Variants in PDZRN4 observed in about 807,000 individuals in gnomAD.
PDZRN4 encodes the protein PDZ domain containing ring finger 4, also known as PDZ domain-containing RING finger protein 4.
Under a neutral mutation model 99.0 loss-of-function variants are expected in PDZRN4, and 70 were observed. The observed-to-expected ratio is 0.71, with a 90% CI of 0.58 to 0.86. The LOEUF is 0.86. Ranked by LOEUF, PDZRN4 falls within the 40% of genes least tolerant of loss-of-function variation. The probability of loss-of-function intolerance (pLI) is 0.00; values close to 1 mark genes in which losing one functional copy is unlikely to be tolerated. For missense variants in PDZRN4, 1,474 were observed against 1,331.2 expected (o/e 1.11, Z -1.67); for synonymous variants, 551 against 501.6 (o/e 1.10, Z -1.32).
chr12:41,258,089 C>T (rs1951215338), intron 3 of PDZRN4, among the ~76,000 whole-genome samples: 1 of 152,148 alleles, frequency 6.6e-6, no homozygotes, highest in Admixed American at 6.6e-5. Flanking sequence ...CAATGAGCTA[C>T]TCCCTGTGTA....
chr12:41,200,891 A>G (rs957459929), intron 3 of PDZRN4, among the ~76,000 whole-genome samples: 1 of 152,098 alleles, frequency 6.6e-6, no homozygotes, highest in South Asian at 2.1e-4. Context: ...GTTCCATCGT[A>G]GTATCCGAAC....
In PDZRN4 at chr12:41,572,636, C is replaced by G. The variant is rs151221740; in HGVS notation, c.1857C>G (p.Asn619Lys). 168 of 1,614,000 alleles carry G rather than the reference C, an allele frequency of 1.0e-4. No homozygotes were observed. The highest frequency in any genetic ancestry group is 5.7e-4 in the African/African-American group (43 of 74,914). The change falls in exon 10 of 10, where the codon AAC (asparagine) becomes AAG (lysine). Residue 619 changes from asparagine (N) to lysine (K), a missense_variant. By Grantham distance (94) the Asn-to-Lys change is moderately conservative. Transcript: ENST00000402685. The part of the protein sequence containing the change: ...GEYIDSDCIG[N>K]PDEDCERFRQ... ...ACATTGACTCAGACTGCATTGGCAA[C>G]CCAGATGAGGACTGTGAAAGATTCA...
chr12:41,564,340 A>G (rs1167356022), intron 8 of PDZRN4, among the ~76,000 whole-genome samples: 1 of 152,052 alleles, frequency 6.6e-6, no homozygotes, highest in Non-Finnish European at 1.5e-5. Flanking sequence ...TCATGAAAGT[A>G]GAGTAAAGGT....
At chr12:41,468,930 A>G (rs1315326639) in intron 3 of PDZRN4, among the ~76,000 whole-genome samples, 1 of 151,770 alleles carries the variant, frequency 6.6e-6, no homozygotes, top group Non-Finnish European at 1.5e-5. Flanking sequence ...AATCGCTTGA[A>G]CCCAGTAGGT....
At chr12:41,434,135 T>A (rs1565581722) in intron 3 of PDZRN4, among the ~76,000 whole-genome samples, 1 of 152,216 alleles carries the variant, frequency 6.6e-6, no homozygotes, top group Non-Finnish European at 1.5e-5. Flanking sequence ...TATTAAAATC[T>A]TTTTAAATCT....
intron 3 of PDZRN4, among the ~76,000 whole-genome samples, chr12:41,404,277 G>A (rs1436998881): frequency 6.6e-6 from 1 of 152,116 alleles, no homozygotes; most frequent in Non-Finnish European, 1.5e-5. Context: ...AATGCGAGTA[G>A]CATGGCATCT....
intron 5 of PDZRN4, among the ~76,000 whole-genome samples, chr12:41,536,808 C>A (rs1938756762): frequency 6.9e-6 from 1 of 144,938 alleles, no homozygotes; most frequent in African/African-American, 2.6e-5. Context: ...CAAATTCTTA[C>A]CTTCACTCAT....
intron 3 of PDZRN4, among the ~76,000 whole-genome samples, chr12:41,437,245 C>A (rs1416348823): frequency 1.3e-5 from 2 of 151,958 alleles, no homozygotes; most frequent in Non-Finnish European, 2.9e-5. Context: ...TCCATGTCAC[C>A]CCCCCAAATT....
At chr12:41,190,091 C>T (rs1181142134) in intron 1 of PDZRN4, among the ~76,000 whole-genome samples, 1 of 152,192 alleles carries the variant, frequency 6.6e-6, no homozygotes, top group East Asian at 1.9e-4. Context: ...AATTTGCGCA[C>T]CATTCAAGGA....
In PDZRN4 at chr12:41,392,069, AC is replaced by A. The variant is rs1317730364; in HGVS notation, c.844-114386del. On this transcript the variant is annotated intron_variant, in intron 3 of 9. Transcript: ENST00000402685. Reference sequence around the variant, plus strand: ...TTGTAGTTCTTAACAAAATTAGGTCACATAAAATGTACTGATATCAGAATTC... The same window carrying A: ...TTGTAGTTCTTAACAAAATTAGGTCAATAAAATGTACTGATATCAGAATTC... Among the ~76,000 whole-genome samples, 8 of 152,328 alleles carry A rather than the reference AC, an allele frequency of 5.3e-5. No homozygotes were observed. In the East Asian group the frequency reaches 1.5e-3, roughly 29 times the overall value.
chr12:41,390,540 C>G (rs918330161), intron 3 of PDZRN4, among the ~76,000 whole-genome samples: 2 of 108,094 alleles, frequency 1.9e-5, no homozygotes, highest in African/African-American at 8.1e-5. Flanking sequence ...ACCTGGTAGT[C>G]TGGGGTTTGA....
At chr12:41,242,788 G>A (rs1951109349) in intron 3 of PDZRN4, among the ~76,000 whole-genome samples, 1 of 152,166 alleles carries the variant, frequency 6.6e-6, no homozygotes, top group Non-Finnish European at 1.5e-5. Flanking sequence ...ACGTTGGAGA[G>A]GATGGAGAGC....
At chr12:41,547,554 AGT>A (rs1938978324) in intron 5 of PDZRN4, among the ~76,000 whole-genome samples, 1 of 151,956 alleles carries the variant, frequency 6.6e-6, no homozygotes, top group African/African-American at 2.4e-5. Context: ...TGAACCTGGG[AGT>A]GGAGGTTGCA....
intron 3 of PDZRN4, among the ~76,000 whole-genome samples, chr12:41,339,627 AC>A (rs1951801515): frequency 8.8e-6 from 1 of 113,640 alleles, no homozygotes; most frequent in African/African-American, 2.8e-5. Flanking sequence ...GAAACAATCA[AC>A]AAAGTGAACA....
intron 3 of PDZRN4, among the ~76,000 whole-genome samples, chr12:41,355,513 G>T (rs1054804204): frequency 6.6e-6 from 1 of 152,038 alleles, no homozygotes; most frequent in Non-Finnish European, 1.5e-5. Context: ...CAGCTGTTAA[G>T]TTATAATTAA....
chr12:41,545,766 A>G (rs943903594), intron 5 of PDZRN4, among the ~76,000 whole-genome samples: 4 of 152,050 alleles, frequency 2.6e-5, no homozygotes, highest in African/African-American at 9.7e-5. Flanking sequence ...TGGATTGACA[A>G]GTGGAGGGAA....
intron 3 of PDZRN4, among the ~76,000 whole-genome samples, chr12:41,503,653 C>G (rs1161964920): frequency 6.6e-6 from 1 of 152,088 alleles, no homozygotes. Context: ...CTTCGAAGAT[C>G]ACTGAAGCAA....
intron 3 of PDZRN4, among the ~76,000 whole-genome samples, chr12:41,410,865 G>T (rs373290729): frequency 6.6e-6 from 1 of 152,088 alleles, no homozygotes; most frequent in Admixed American, 6.6e-5. Context: ...CAAGTGAAGC[G>T]TAGGTTTTGG....
chr12:41,198,471 ATTT>A (rs964109586), intron 3 of PDZRN4, among the ~76,000 whole-genome samples: 1 of 151,516 alleles, frequency 6.6e-6, no homozygotes, highest in African/African-American at 2.4e-5. Flanking sequence ...AAAGCAGAGG[ATTT>A]TTTTTAGTGT....
Sources: allele counts gnomAD v4.1 joint callset (sites outside exome capture counted in the v4.1 genomes callset), GRCh38; gene constraint gnomAD v4.1.1; transcripts MANE v1.5; gene names NCBI Gene and HGNC (gene_info 2026-07-23, HGNC 2026-07-21).